Variants in PRR16 observed in about 807,000 individuals in gnomAD.
PRR16 encodes the protein proline rich 16.
In PRR16, 6 loss-of-function variants were observed where a neutral mutation model predicts 18.2. The observed-to-expected ratio is 0.33, with a 90% CI of 0.18 to 0.65. The LOEUF (loss-of-function observed/expected upper bound fraction) is 0.65, where lower values mean the gene tolerates loss of function less well. Ranked by LOEUF, PRR16 falls within the 30% of genes least tolerant of loss-of-function variation. The pLI is 0.74. For synonymous variants in PRR16, 151 were observed against 147.8 expected (o/e 1.02, Z -0.16); for missense variants, 412 against 376.6 (o/e 1.09, Z -0.78).
intron 1 of PRR16, among the ~76,000 whole-genome samples, chr5:120,604,500 A>C (rs1754088791): frequency 6.6e-6 from 1 of 152,082 alleles, no homozygotes; most frequent in Non-Finnish European, 1.5e-5. Context: ...TTCTTTATTC[A>C]ACTTGCCACT....
At chr5:120,584,834 A>G (rs773024956) in intron 1 of PRR16, among the ~76,000 whole-genome samples, 4 of 152,118 alleles carry the variant, frequency 2.6e-5, no homozygotes, top group Non-Finnish European at 4.4e-5. Flanking sequence ...TGCTACTTTC[A>G]TATGTTATCT....
intron 1 of PRR16, among the ~76,000 whole-genome samples, chr5:120,473,363 G>A (rs1749331248): frequency 6.6e-6 from 1 of 152,080 alleles, no homozygotes; most frequent in African/African-American, 2.4e-5. Context: ...CAGTAAGGTG[G>A]CATAGTATAG....
the PRR16 span, among the ~76,000 whole-genome samples, chr5:120,699,983 T>C: frequency 6.6e-6 from 1 of 152,188 alleles, no homozygotes; most frequent in Non-Finnish European, 1.5e-5. Flanking sequence ...GGTAATTTGC[T>C]GAGCTTGATG....
intron 1 of PRR16, among the ~76,000 whole-genome samples, chr5:120,677,905 C>CTTT (rs386404833): frequency 0.038 from 3,508 of 92,978 alleles, 269 homozygotes; most frequent in East Asian, 0.09. Context: ...CTTTTTCTTT[C>CTTT]TTTTTTTTTT....
intron 1 of PRR16, among the ~76,000 whole-genome samples, chr5:120,596,874 A>T (rs938484938): frequency 1.3e-5 from 2 of 151,860 alleles, no homozygotes; most frequent in Non-Finnish European, 3.0e-5. Flanking sequence ...AAAATTATGC[A>T]ACAGTCTTCT....
the PRR16 span, among the ~76,000 whole-genome samples, chr5:120,792,581 C>A: frequency 6.6e-6 from 1 of 152,158 alleles, no homozygotes; most frequent in Non-Finnish European, 1.5e-5. Flanking sequence ...CACTTCTTAA[C>A]ATTTTCTTTT....
chr5:120,744,738 T>A, the PRR16 span, among the ~76,000 whole-genome samples: 1 of 152,238 alleles, frequency 6.6e-6, no homozygotes, highest in Non-Finnish European at 1.5e-5. Flanking sequence ...CATATATTTG[T>A]CATAAATACT....
the PRR16 span, among the ~76,000 whole-genome samples, chr5:120,760,516 A>T: frequency 3.3e-5 from 5 of 152,102 alleles, no homozygotes; most frequent in African/African-American, 4.8e-5. Context: ...CCCTTGTTTT[A>T]TTCACCATCA....
chr5:120,702,072 T>C, the PRR16 span, among the ~76,000 whole-genome samples: 8,856 of 151,268 alleles, frequency 0.059, 324 homozygotes, highest in South Asian at 0.088. Context: ...AGATTGCCCA[T>C]AGTGAGGGAA....
the PRR16 span, among the ~76,000 whole-genome samples, chr5:120,733,614 G>A: frequency 6.6e-6 from 1 of 152,048 alleles, no homozygotes; most frequent in Non-Finnish European, 1.5e-5. Flanking sequence ...ATCATGAACG[G>A]CATTAAACCT....
At chr5:120,627,102 CTT>C in intron 1 of PRR16, among the ~76,000 whole-genome samples, 1 of 152,194 alleles carries the variant, frequency 6.6e-6, no homozygotes, top group East Asian at 1.9e-4. Context: ...TATGTTCAGT[CTT>C]TTGATTTTCG....
chr5:120,569,107 A>T (rs1253901361), intron 1 of PRR16, among the ~76,000 whole-genome samples: 1 of 151,612 alleles, frequency 6.6e-6, no homozygotes, highest in Non-Finnish European at 1.5e-5. Context: ...GGAGTTATTT[A>T]TTTTTCTTTT....
the PRR16 span, among the ~76,000 whole-genome samples, chr5:120,727,395 T>C: frequency 3.3e-5 from 5 of 152,214 alleles, no homozygotes; most frequent in East Asian, 7.7e-4. Context: ...GCCTAATCTG[T>C]ATGTTCACAT....
chr5:120,684,386 T>TG (rs1049516429), intron 1 of PRR16, among the ~76,000 whole-genome samples: 3 of 152,250 alleles, frequency 2.0e-5, no homozygotes, highest in South Asian at 4.1e-4. Context: ...TAGATGCTTT[T>TG]GGTGTTTTCA....
downstream of PRR16, among the ~76,000 whole-genome samples, chr5:120,689,158 C>T (rs1262752038): frequency 6.6e-6 from 1 of 152,124 alleles, no homozygotes; most frequent in African/African-American, 2.4e-5. Flanking sequence ...TTACAGCACT[C>T]TTAGGACTTA....
At chr5:120,762,545 G>A in the PRR16 span, among the ~76,000 whole-genome samples, 2 of 151,860 alleles carry the variant, frequency 1.3e-5, no homozygotes, top group Admixed American at 6.6e-5. Flanking sequence ...TGCTCAGGCC[G>A]CTCTCCTGGG....
the PRR16 span, among the ~76,000 whole-genome samples, chr5:120,760,145 G>A: frequency 6.6e-6 from 1 of 152,088 alleles, no homozygotes; most frequent in Non-Finnish European, 1.5e-5. Flanking sequence ...GAATAATTAA[G>A]CAAATGAATG....
intron 1 of PRR16, among the ~76,000 whole-genome samples, chr5:120,584,643 T>A (rs949648726): frequency 1.3e-5 from 2 of 152,220 alleles, no homozygotes; most frequent in Non-Finnish European, 2.9e-5. Flanking sequence ...CTGCATTTTA[T>A]AATGGACTAA....
chr5:120,521,748 T>C (rs1469846874), intron 1 of PRR16, among the ~76,000 whole-genome samples: 1 of 152,178 alleles, frequency 6.6e-6, no homozygotes, highest in Non-Finnish European at 1.5e-5. Context: ...TGTATACATG[T>C]GCCATGTTGG....
Sources: gnomAD v4.1 joint callset for allele counts (sites outside exome capture counted in the v4.1 genomes callset) on GRCh38, gnomAD v4.1.1 for gene constraint, MANE v1.5 for transcripts, NCBI Gene and HGNC (gene_info 2026-07-23, HGNC 2026-07-21) for gene names.